Variants in GPR55 observed in about 807,000 individuals in gnomAD.
GPR55 encodes G-protein coupled receptor 55.
In GPR55, 6 loss-of-function variants were observed where a neutral mutation model predicts 7.9. The observed-to-expected ratio is 0.76, with a 90% confidence interval of 0.41 to 1.49. The LOEUF is 1.49. GPR55 is among the 40% of genes most tolerant of loss of function. The pLI is 0.01. For missense variants in GPR55, 376 were observed against 406.0 expected (o/e 0.93, Z 0.63); for synonymous variants, 183 against 166.8 (o/e 1.10, Z -0.75).
intron 1 of GPR55, among the ~76,000 whole-genome samples, chr2:230,916,473 A>T (rs969065184): frequency 3.9e-5 from 6 of 152,058 alleles, no homozygotes; most frequent in Admixed American, 6.6e-5. Flanking sequence ...GCAGTGAGCC[A>T]TGATCGTGCC....
upstream of GPR55, among the ~76,000 whole-genome samples, chr2:230,927,077 A>G (rs529886588): frequency 7.2e-5 from 11 of 152,284 alleles, no homozygotes; most frequent in African/African-American, 2.6e-4. Context: ...TTTTGAAAAC[A>G]TGCACATGAT....
chr2:230,916,473 ATGATCG>A (rs1359758614), intron 1 of GPR55, among the ~76,000 whole-genome samples: 6 of 152,176 alleles, frequency 3.9e-5, no homozygotes, highest in African/African-American at 1.4e-4. Context: ...GCAGTGAGCC[ATGATCG>A]TGCCACTGCA....
At chr2:230,959,214 G>A (rs141554653) in intron 1 of GPR55, among the ~76,000 whole-genome samples, 2 of 152,238 alleles carry the variant, frequency 1.3e-5, no homozygotes, top group African/African-American at 4.8e-5. Flanking sequence ...GGGAGGCCAA[G>A]GTGGGCAGAT....
chr2:230,925,468 C>T (rs571141074), upstream of GPR55, among the ~76,000 whole-genome samples: 155 of 152,202 alleles, frequency 1.0e-3, no homozygotes, highest in African/African-American at 3.5e-3. Flanking sequence ...GCACGCCCCC[C>T]TCCCGCAGCT....
chr2:230,949,845 T>C (rs978159845), intron 1 of GPR55, among the ~76,000 whole-genome samples: 3 of 152,110 alleles, frequency 2.0e-5, no homozygotes, highest in African/African-American at 7.3e-5. Flanking sequence ...ATTTATTTTT[T>C]TTTTTTGAGA....
intron 1 of GPR55, among the ~76,000 whole-genome samples, chr2:230,921,339 T>C (rs942115481): frequency 2.0e-5 from 3 of 152,186 alleles, no homozygotes; most frequent in Non-Finnish European, 4.4e-5. Flanking sequence ...CAGGGAGAAG[T>C]ACATCATAAA....
intron 1 of GPR55, among the ~76,000 whole-genome samples, chr2:230,949,516 G>T (rs1287091300): frequency 6.6e-6 from 1 of 152,206 alleles, no homozygotes; most frequent in Non-Finnish European, 1.5e-5. Flanking sequence ...GAAGAATGGG[G>T]TGGATTCCAT....
At chr2:230,912,817 G>A (rs182827657) in intron 1 of GPR55, among the ~76,000 whole-genome samples, 46 of 152,226 alleles carry the variant, frequency 3.0e-4, no homozygotes, top group East Asian at 5.8e-4. Context: ...TATTCCAGGC[G>A]CTCAATAAGA....
At chr2:230,940,205 G>A (rs890474237) in intron 1 of GPR55, among the ~76,000 whole-genome samples, 1 of 152,122 alleles carries the variant, frequency 6.6e-6, no homozygotes, top group Non-Finnish European at 1.5e-5. Flanking sequence ...TGGAGAAAGC[G>A]AGGAAGGGGG....
intron 1 of GPR55, among the ~76,000 whole-genome samples, chr2:230,936,730 C>A (rs1392262339): frequency 1.3e-5 from 2 of 152,252 alleles, no homozygotes; most frequent in South Asian, 2.1e-4. Flanking sequence ...AGGTAGTTGT[C>A]TATAAAACCC....
rs927826990 is a variant in GPR55 at position 230,944,995 on chromosome 2, C to A, written c.-135+15780G>T. Among the ~76,000 whole-genome samples the A allele has an allele frequency of 6.6e-6, 1 of 152,216 alleles. No homozygotes were observed. The highest frequency in any genetic ancestry group is 1.5e-5 in the Non-Finnish European group (1 of 68,036). ...AGGTAAGGTTCCCGCACATCGCCCT[C>A]CATGAAGCAGGAGCAGGAGCCTCAC... On this transcript the variant is annotated intron_variant, in intron 1 of 1. Transcript: ENST00000392039. The surrounding 1 kb of genome is among the most constrained non-coding windows in gnomAD (Gnocchi z 4.2).
intron 1 of GPR55, among the ~76,000 whole-genome samples, chr2:230,933,546 C>T (rs1691085652): frequency 6.6e-6 from 1 of 152,240 alleles, no homozygotes; most frequent in Non-Finnish European, 1.5e-5. Context: ...GTGGCTGTCC[C>T]TCCTCAGGTT....
chr2:230,929,480 C>T (rs1690997601), upstream of GPR55: 1 of 152,280 alleles, frequency 6.6e-6, no homozygotes, highest in South Asian at 2.1e-4. Flanking sequence ...CCCATGTCAC[C>T]CCACGTGCCC....
exon 1 of GPR55, chr2:230,961,047 T>C (rs897414512): frequency 6.6e-6 from 1 of 152,190 alleles, no homozygotes; most frequent in African/African-American, 2.4e-5. Flanking sequence ...AGTAACCATT[T>C]TGAAAGCCCA....
At chr2:230,912,119 C>T (rs931353957) in intron 1 of GPR55, among the ~76,000 whole-genome samples, 5 of 152,218 alleles carry the variant, frequency 3.3e-5, no homozygotes, top group African/African-American at 1.2e-4. Context: ...GGCCATGCTG[C>T]TGGTGTACTT....
intron 1 of GPR55, among the ~76,000 whole-genome samples, chr2:230,933,590 T>C (rs1339762170): frequency 6.6e-6 from 1 of 152,220 alleles, no homozygotes; most frequent in Admixed American, 6.5e-5. Context: ...AGCAACCTCC[T>C]TTCATGTCCA....
intron 1 of GPR55, among the ~76,000 whole-genome samples, chr2:230,951,752 TGG>T (rs369993760): frequency 2.6e-4 from 26 of 99,206 alleles, no homozygotes; most frequent in African/African-American, 1.5e-3. Flanking sequence ...TTGTTGTTAT[TGG>T]GGTTTTTTTT....
intron 1 of GPR55, among the ~76,000 whole-genome samples, chr2:230,942,296 TCTC>T (rs1171745703): frequency 6.6e-6 from 1 of 151,946 alleles, no homozygotes; most frequent in Non-Finnish European, 1.5e-5. Context: ...TCTGCCTCCT[TCTC>T]CTGCCTCAGC....
Position 230,910,541 on chromosome 2 carries a change from A to T in GPR55, c.422T>A (p.Ile141Asn), listed in dbSNP as rs371231176. 6.1e-5 allele frequency: 98 copies of T among 1,614,192 alleles called. No homozygotes were observed. The East Asian group carries it at 1.6e-3, about 27-fold the overall frequency. Residue 141 changes from isoleucine (I) to asparagine (N), a missense_variant, in exon 2 of 2, where the codon ATC becomes AAC. Physicochemically the swap from Ile to Asn is moderately radical, Grantham distance 149 (BLOSUM62 -3). Coordinates refer to ENST00000650999, the MANE Select transcript of GPR55 (RefSeq NM_005683.4). The surrounding 1 kb of genome is among the most constrained non-coding windows in gnomAD (Gnocchi z 5.4). ...CACCAGGACCCAGATGGTGCAGCAG[A>T]TCCCAAAGATCTTCCTGGGGGACCG... The part of the protein sequence containing the change: ...HLRSPRKIFG[I>N]CCTIWVLVWT...
Sources: gnomAD v4.1 joint callset for allele counts (sites outside exome capture counted in the v4.1 genomes callset) on GRCh38, gnomAD v4.1.1 for gene constraint, Gnocchi (gnomAD v3.1) non-coding constraint, MANE v1.5 for transcripts, NCBI Gene and HGNC (gene_info 2026-07-23, HGNC 2026-07-21) for gene names.